The following FOXP1 variants were observed in gnomAD, a reference collection of about 807,000 sequenced individuals.
FOXP1 encodes the protein forkhead box protein P1.
Under a neutral mutation model 98.2 loss-of-function variants are expected in FOXP1, and 15 were observed. The observed-to-expected ratio is 0.15, with a 90% CI of 0.10 to 0.24. The LOEUF (loss-of-function observed/expected upper bound fraction) is 0.24. Among genes scored for constraint, FOXP1 ranks in the 10% least tolerant of loss-of-function variants. The pLI is 1.00. For synonymous variants in FOXP1, 371 were observed against 314.5 expected (o/e 1.18, Z -1.90); for missense variants, 633 against 848.5 (o/e 0.75, Z 3.15).
At chr3:71,262,915 G>A (rs752944508) in intron 5 of FOXP1, among the ~76,000 whole-genome samples, 2 of 152,198 alleles carry the variant, frequency 1.3e-5, no homozygotes, top group African/African-American at 4.8e-5. Flanking sequence ...AAGAAGCTGT[G>A]GGACTGAGTC....
chr3:71,471,581 A>G (rs2089351074), intron 3 of FOXP1, among the ~76,000 whole-genome samples: 2 of 152,130 alleles, frequency 1.3e-5, no homozygotes, highest in African/African-American at 4.8e-5. Context: ...AACTATAACA[A>G]TGTTCCATTC....
At position 71,296,025 on chromosome 3, in the gene FOXP1, T is replaced by C. The variant is rs911197138; in HGVS notation, c.-12+3795A>G. ...CATTTTGTAAAGCACTCAGATCTAG[T>C]TGGAAGAAAATTGTTATATCACTCC... On this transcript the variant is annotated intron_variant, in intron 5 of 20. Transcript: ENST00000649528. 7 of 152,214 alleles carry C rather than the reference T, an allele frequency of 4.6e-5. No homozygotes were observed. The East Asian group carries it at 5.8e-4, about 13-fold the overall frequency. The allele number at this position is 152,214 out of a possible 1,614,324, so 9.4% of individuals were successfully genotyped here. A position where few individuals can be genotyped will look rare whatever the true frequency, so the allele number is the denominator to read the frequency against.
At position 71,114,421 on chromosome 3, in the gene FOXP1, C is replaced by T. The variant is rs529694873; in HGVS notation, c.181-1784G>A. Among the ~76,000 whole-genome samples, 6 of 152,316 alleles carry T rather than the reference C, an allele frequency of 3.9e-5. No individual in the cohort carries two copies. In the East Asian group the frequency reaches 5.8e-4, roughly 15 times the overall value. Reference sequence around the variant, plus strand: ...GAGCAGTGCTTCTCCTAAAAGGACACGCTCACTGAACTGTGCTCATAACTA... The same window carrying T: ...GAGCAGTGCTTCTCCTAAAAGGACATGCTCACTGAACTGTGCTCATAACTA... On this transcript the variant is annotated intron_variant, in intron 6 of 20. Transcript: ENST00000649528.
chr3:71,253,022 G>A (rs1452088510), intron 5 of FOXP1, among the ~76,000 whole-genome samples: 1 of 152,190 alleles, frequency 6.6e-6, no homozygotes, highest in Non-Finnish European at 1.5e-5. Context: ...CTGACACCAT[G>A]AGCAGGCAAG....
rs2077489422 is a variant in FOXP1 at position 71,348,116 on chromosome 3, G to C, written c.-73+11034C>G. On this transcript the variant is annotated intron_variant, in intron 4 of 20. Coordinates refer to ENST00000649528, the MANE Select transcript of FOXP1 (RefSeq NM_001349338.3). ...ACTGTAATAGAAGTTATGTGAATGT[G>C]GTCTCTCTCTCTCTAACTATTTTCT... Among the ~76,000 whole-genome samples, 4 of 152,022 alleles carry C rather than the reference G, an allele frequency of 2.6e-5. No homozygotes were observed. The South Asian group carries it at 8.3e-4, about 32-fold the overall frequency.
At chr3:71,458,431 G>C (rs1035473258) in intron 3 of FOXP1, among the ~76,000 whole-genome samples, 3 of 152,058 alleles carry the variant, frequency 2.0e-5, no homozygotes, top group African/African-American at 7.2e-5. Context: ...AATTTCTCAA[G>C]GTGCAACCCC....
intron 6 of FOXP1, among the ~76,000 whole-genome samples, chr3:71,134,479 A>T (rs184854684): frequency 1.4e-3 from 210 of 152,356 alleles, no homozygotes; most frequent in Non-Finnish European, 2.3e-3. Flanking sequence ...GTAGATAGAC[A>T]GATAGCTCAA....
chr3:71,240,087 G>A (rs759888834), intron 5 of FOXP1, among the ~76,000 whole-genome samples: 9 of 152,216 alleles, frequency 5.9e-5, no homozygotes, highest in Non-Finnish European at 2.9e-5. Flanking sequence ...GGAGGCAGCC[G>A]ATTTCTATTT....
chr3:71,447,134 C>T (rs950941174), intron 3 of FOXP1, among the ~76,000 whole-genome samples: 8 of 152,218 alleles, frequency 5.3e-5, no homozygotes, highest in Non-Finnish European at 1.2e-4. Context: ...GCATAGGAAA[C>T]CTCAGTAAAT....
At chr3:71,442,816 A>G (rs755370823) in intron 3 of FOXP1, among the ~76,000 whole-genome samples, 1 of 152,284 alleles carries the variant, frequency 6.6e-6, no homozygotes, top group African/African-American at 2.4e-5. Context: ...GTCAGGCCCC[A>G]CTTGGGACTT....
intron 5 of FOXP1, among the ~76,000 whole-genome samples, chr3:71,209,892 G>T (rs2064322687): frequency 6.6e-6 from 1 of 152,130 alleles, no homozygotes. Flanking sequence ...AATTTAATAA[G>T]CAAAACATAC....
At chr3:71,166,682 G>A (rs2061413861) in intron 6 of FOXP1, among the ~76,000 whole-genome samples, 1 of 152,072 alleles carries the variant, frequency 6.6e-6, no homozygotes, top group African/African-American at 2.4e-5. Flanking sequence ...TATGATAAAT[G>A]CTGAACACCT....
chr3:71,111,834 T>C lies in FOXP1; in HGVS notation c.282+702A>G, dbSNP rs567738835. Among the ~76,000 whole-genome samples, 9 of 152,350 alleles carry C rather than the reference T, an allele frequency of 5.9e-5. No individual in the cohort carries two copies. The East Asian group carries it at 9.6e-4, about 16-fold the overall frequency. ...AAAATTTCTTGCCATTTAAAAATTA[T>C]TGACCTAGAAACATTCTGAACATAT... On this transcript the variant is annotated intron_variant, in intron 7 of 20. Transcript: ENST00000649528.
At chr3:71,312,463 G>A (rs926078016) in intron 4 of FOXP1, among the ~76,000 whole-genome samples, 1 of 152,148 alleles carries the variant, frequency 6.6e-6, no homozygotes, top group African/African-American at 2.4e-5. Flanking sequence ...CATTAAAGGT[G>A]GACCAGAAAG....
intron 3 of FOXP1, among the ~76,000 whole-genome samples, chr3:71,389,732 C>T (rs946032068): frequency 2.0e-5 from 3 of 151,966 alleles, no homozygotes; most frequent in Admixed American, 6.6e-5. Context: ...TTTTTAATCA[C>T]TTTTTTTGCA....
intron 7 of FOXP1, among the ~76,000 whole-genome samples, chr3:71,060,377 T>C (rs187076026): frequency 6.6e-5 from 10 of 152,242 alleles, no homozygotes; most frequent in Admixed American, 3.9e-4. Context: ...ACTTGCTTCT[T>C]TGACAATCTC....
At chr3:71,192,956 T>C (rs1489674696) in intron 6 of FOXP1, among the ~76,000 whole-genome samples, 1 of 152,112 alleles carries the variant, frequency 6.6e-6, no homozygotes, top group Non-Finnish European at 1.5e-5. Context: ...AGCCTGCTTG[T>C]ATATTTCTTT....
rs143360405 is a variant in FOXP1, at chr3:71,190,526, G to A, written c.180+7676C>T. Among the ~76,000 whole-genome samples the A allele has an allele frequency of 6.1e-3, 919 of 151,324 alleles. 13 individuals carry two copies. Among genetic ancestry groups the A allele is most frequent in the African/African-American group, 0.021 (883 of 41,168 alleles). ...CCAGCAACTCAGAAGCCTGATGGTG[G>A]GAGAATCGCTTGAGCCCGGGGAGGT... is the stretch of plus-strand genomic sequence containing the variant. On this transcript the variant is annotated intron_variant, in intron 6 of 20. Transcript: ENST00000649528.
intron 3 of FOXP1, among the ~76,000 whole-genome samples, chr3:71,403,524 T>C (rs933249971): frequency 6.6e-6 from 1 of 152,326 alleles, no homozygotes. Context: ...CTCATGTTTA[T>C]AGGAAAGAGT....
Sources: gnomAD v4.1 joint callset for allele counts (sites outside exome capture counted in the v4.1 genomes callset) on GRCh38, gnomAD v4.1.1 for gene constraint, MANE v1.5 for transcripts, NCBI Gene and HGNC (gene_info 2026-07-23, HGNC 2026-07-21) for gene names.